THSD7B: variants seen among roughly 807,000 people sequenced by gnomAD.
THSD7B encodes the protein thrombospondin type-1 domain-containing protein 7B.
In THSD7B, 138 loss-of-function variants were observed where a neutral mutation model predicts 213.6. The ratio of observed to expected loss-of-function variants is 0.65; its 90% CI spans 0.56 to 0.74. THSD7B has a LOEUF of 0.74. THSD7B is among the 30% of genes least tolerant of loss of function. The pLI is 0.00. For missense variants in THSD7B, 1,931 were observed against 1,991.5 expected, an observed-to-expected ratio of 0.97 and a Z score of 0.58; for synonymous variants, 742 against 687.0, an observed-to-expected ratio of 1.08 and a Z score of -1.25.
chr2:136,921,006 A>G lies in THSD7B; in HGVS notation c.139+38689A>G, dbSNP rs553594733. ...GGGCTTCCTGGGCCCCTGAGAGCCC[A>G]GGGATGCCAGGGTCTGGAGCTGAAC... On this transcript the variant is annotated intron_variant, in intron 2 of 27. Coordinates refer to ENST00000409968, the MANE Select transcript of THSD7B (RefSeq NM_001316349.2). 7.2e-5 allele frequency among the ~76,000 whole-genome samples: 11 copies of G among 152,222 alleles called. No individual in the cohort carries two copies. In the East Asian group the frequency reaches 1.4e-3, roughly 19 times the overall value.
intron 5 of THSD7B, among the ~76,000 whole-genome samples, chr2:137,133,818 A>C (rs1225749580): frequency 2.0e-5 from 3 of 152,172 alleles, no homozygotes; most frequent in Non-Finnish European, 2.9e-5. Flanking sequence ...AGATAGTTTA[A>C]ATTATTTCAC....
At chr2:137,544,288 A>G (rs988717117) in intron 15 of THSD7B, among the ~76,000 whole-genome samples, 1 of 151,790 alleles carries the variant, frequency 6.6e-6, no homozygotes, top group Non-Finnish European at 1.5e-5. Flanking sequence ...ATAATGAAAT[A>G]TGTGTTCATG....
In THSD7B at chr2:137,184,567, G is replaced by A. The variant is rs375249786; in HGVS notation, c.1723+13629G>A. Among the ~76,000 whole-genome samples the A allele has an allele frequency of 4.3e-4, 66 of 152,226 alleles. No individual in the cohort carries two copies. The East Asian group carries it at 0.011, about 25-fold the overall frequency. On this transcript the variant is annotated intron_variant, in intron 7 of 27. Transcript: ENST00000409968. ...TAATGAAATTTATATATCTAAAAATGTCTATCACTTATGCAATCTAGGGGA... is the reference window on the plus strand; with the variant it reads ...TAATGAAATTTATATATCTAAAAATATCTATCACTTATGCAATCTAGGGGA...
At chr2:137,131,512 G>C in intron 5 of THSD7B, among the ~76,000 whole-genome samples, 1 of 152,132 alleles carries the variant, frequency 6.6e-6, no homozygotes, top group East Asian at 1.9e-4. Context: ...AATGGTTTTA[G>C]GTCTAACAGG....
chr2:137,235,294 C>T (rs1305877513), intron 9 of THSD7B, among the ~76,000 whole-genome samples: 3 of 151,598 alleles, frequency 2.0e-5, no homozygotes, highest in Non-Finnish European at 4.4e-5. Flanking sequence ...TAGGAGTAAC[C>T]CTACATAAAA....
intron 2 of THSD7B, among the ~76,000 whole-genome samples, chr2:137,049,509 T>C (rs1326278179): frequency 2.0e-5 from 3 of 152,174 alleles, no homozygotes; most frequent in African/African-American, 7.2e-5. Context: ...GGGAAGATGA[T>C]AGTAGGTGTT....
At chr2:136,769,221 T>C (rs1229019694) in intron 1 of THSD7B, among the ~76,000 whole-genome samples, 1 of 152,178 alleles carries the variant, frequency 6.6e-6, no homozygotes, top group East Asian at 1.9e-4. Flanking sequence ...TAAGTATCTC[T>C]TGACAAAAGG....
chr2:137,248,655 T>C (rs1682096662), intron 10 of THSD7B, among the ~76,000 whole-genome samples: 1 of 152,148 alleles, frequency 6.6e-6, no homozygotes, highest in African/African-American at 2.4e-5. Context: ...GTCAAGCATA[T>C]GTGGCCCCCT....
chr2:137,632,271 G>A (rs1410721019), intron 20 of THSD7B, among the ~76,000 whole-genome samples: 3 of 152,176 alleles, frequency 2.0e-5, no homozygotes, highest in African/African-American at 7.2e-5. Context: ...ACAAAAGGCA[G>A]TGAAATATAT....
Position 137,272,561 on chromosome 2 carries a change from C to T in THSD7B, c.2295C>T (p.Tyr765=), listed in dbSNP as rs750723299. Residue 765 remains tyrosine (Y), a synonymous_variant, in exon 11 of 28, where the codon TAC becomes TAT. Transcript: ENST00000409968. The part of the protein sequence containing the change: ...AGNATVKQSR[Y]RIIIQEAANG... ...ATGCCACAGTAAAACAGTCTCGATA[C>T]AGAATCATCATCCAAGAAGCAGCCA... is the stretch of plus-strand genomic sequence containing the variant. 2 of 1,611,390 alleles carry T rather than the reference C, an allele frequency of 1.2e-6. No homozygotes were observed. Among genetic ancestry groups the T allele is most frequent in the Non-Finnish European group, 1.7e-6 (2 of 1,178,768 alleles).
intron 3 of THSD7B, among the ~76,000 whole-genome samples, chr2:137,074,519 TG>T (rs1324357302): frequency 3.9e-5 from 6 of 152,238 alleles, no homozygotes; most frequent in African/African-American, 1.4e-4. Flanking sequence ...AGCACACTGA[TG>T]GGTCTTGACT....
chr2:137,135,043 C>A (rs1002798246), intron 5 of THSD7B, among the ~76,000 whole-genome samples: 1 of 152,096 alleles, frequency 6.6e-6, no homozygotes, highest in Non-Finnish European at 1.5e-5. Context: ...CTAATAACAG[C>A]CTTGCGAGTC....
At chr2:136,809,432 A>T (rs1220285638) in intron 1 of THSD7B, among the ~76,000 whole-genome samples, 1 of 152,186 alleles carries the variant, frequency 6.6e-6, no homozygotes, top group Non-Finnish European at 1.5e-5. Flanking sequence ...TGTAGACAGG[A>T]TAGGAGCTTG....
chr2:137,624,731 T>C (rs1682590822), intron 20 of THSD7B, among the ~76,000 whole-genome samples: 1 of 152,164 alleles, frequency 6.6e-6, no homozygotes, highest in South Asian at 2.1e-4. Context: ...AAAATGCTCA[T>C]CATCACTGGT....
intron 12 of THSD7B, among the ~76,000 whole-genome samples, chr2:137,314,847 G>C (rs927739967): frequency 6.6e-6 from 1 of 152,350 alleles, no homozygotes; most frequent in Non-Finnish European, 1.5e-5. Context: ...ACCCACTTGA[G>C]GTGGCAGTCT....
chr2:136,825,154 C>G (rs1465523272), intron 1 of THSD7B, among the ~76,000 whole-genome samples: 1 of 151,990 alleles, frequency 6.6e-6, no homozygotes, highest in Non-Finnish European at 1.5e-5. Context: ...TTTAAGAGAA[C>G]AATGAAAAGA....
intron 2 of THSD7B, among the ~76,000 whole-genome samples, chr2:136,968,935 T>C (rs1685363194): frequency 6.6e-6 from 1 of 152,134 alleles, no homozygotes; most frequent in Non-Finnish European, 1.5e-5. Flanking sequence ...CAGTAAAAAT[T>C]ATATAACTAA....
At chr2:137,004,505 G>T (rs753522195) in intron 2 of THSD7B, among the ~76,000 whole-genome samples, 2 of 152,038 alleles carry the variant, frequency 1.3e-5, no homozygotes, top group Non-Finnish European at 2.9e-5. Context: ...TTTTTAAAAG[G>T]CAATGAAATA....
At position 137,642,479 on chromosome 2, in the gene THSD7B, T is replaced by A; in HGVS notation, c.3800-9T>A. The A allele has an allele frequency of 1.2e-6, 2 of 1,613,230 alleles. No individual in the cohort carries two copies. The highest frequency in any genetic ancestry group is 1.7e-6 in the Non-Finnish European group (2 of 1,179,630). On this transcript the variant is annotated splice_polypyrimidine_tract_variant and intron_variant, in intron 20 of 27. Transcript: ENST00000409968. ...AACTGAAAAGCTGACACCTCCCTTATCATTTTAGGTCGAATGAGCCGGACT... is the reference window on the plus strand; with the variant it reads ...AACTGAAAAGCTGACACCTCCCTTAACATTTTAGGTCGAATGAGCCGGACT...
Sources: allele counts gnomAD v4.1 joint callset (sites outside exome capture counted in the v4.1 genomes callset), GRCh38; gene constraint gnomAD v4.1.1; transcripts MANE v1.5; gene names NCBI Gene and HGNC (gene_info 2026-07-23, HGNC 2026-07-21).